The following SORCS1 variants were observed in gnomAD, a reference collection of about 807,000 sequenced individuals.
SORCS1 encodes the protein sortilin related VPS10 domain containing receptor 1, also known as VPS10 domain-containing receptor SorCS1.
Under a neutral mutation model 146.1 loss-of-function variants are expected in SORCS1, and 60 were observed. That is an observed-to-expected ratio of 0.41 (90% CI 0.33 to 0.51). The LOEUF is 0.51. SORCS1 is among the 20% of genes least tolerant of loss of function. SORCS1 has a pLI of 0.21. For missense variants in SORCS1, 1,352 were observed against 1,487.6 expected, an observed-to-expected ratio of 0.91 and a Z score of 1.50; for synonymous variants, 637 against 584.0, an observed-to-expected ratio of 1.09 and a Z score of -1.31.
At chr10:107,085,834 T>C (rs1219389079) in intron 1 of SORCS1, among the ~76,000 whole-genome samples, 1 of 152,230 alleles carries the variant, frequency 6.6e-6, no homozygotes, top group Non-Finnish European at 1.5e-5. Context: ...CATTTTGTAT[T>C]ACGCCGAGGC....
At chr10:107,161,938 A>G (rs566627711) in intron 1 of SORCS1, among the ~76,000 whole-genome samples, 3 of 152,282 alleles carry the variant, frequency 2.0e-5, no homozygotes, top group Non-Finnish European at 4.4e-5. Context: ...GGGGGCAGAA[A>G]TCTCACCTCA....
At chr10:107,023,435 A>C (rs182972546) in intron 1 of SORCS1, among the ~76,000 whole-genome samples, 1 of 152,306 alleles carries the variant, frequency 6.6e-6, no homozygotes, top group African/African-American at 2.4e-5. Flanking sequence ...ATTTTAGTCA[A>C]TATATACCCT....
chr10:107,169,051 T>G (rs552516441), upstream of SORCS1, among the ~76,000 whole-genome samples: 5 of 152,310 alleles, frequency 3.3e-5, no homozygotes, highest in East Asian at 9.7e-4. Flanking sequence ...GAGAATGTTA[T>G]AACCACTCCC....
rs1226168624 is a variant in SORCS1, at chr10:106,960,129, G to C, written c.559-3549C>G. Among the ~76,000 whole-genome samples the C allele has an allele frequency of 6.6e-6, 1 of 152,094 alleles. No individual in the cohort carries two copies. Among genetic ancestry groups the C allele is most frequent in the African/African-American group, 2.4e-5 (1 of 41,412 alleles). The stretch of plus-strand genomic sequence containing the variant: ...TCACAATATGGTACTAGCTTTTTAA[G>C]GTTCCTCTCTAAATCTTAGGATATT... On this transcript the variant is annotated intron_variant, in intron 1 of 25. Coordinates refer to ENST00000263054, the MANE Select transcript of SORCS1 (RefSeq NM_052918.5). This position sits in a 1 kb window ranked among gnomAD's most constrained non-coding sequence, Gnocchi z 4.4.
intron 1 of SORCS1, among the ~76,000 whole-genome samples, chr10:107,017,992 G>C (rs1177280389): frequency 6.6e-6 from 1 of 152,128 alleles, no homozygotes; most frequent in Middle Eastern, 3.4e-3. Context: ...ACCTTCCTCT[G>C]AAGCAGCTCA....
chr10:107,107,542 A>C (rs577436317), intron 1 of SORCS1, among the ~76,000 whole-genome samples: 2 of 152,328 alleles, frequency 1.3e-5, no homozygotes, highest in Admixed American at 6.5e-5. Flanking sequence ...GCTTATAGTT[A>C]AGTGTGAAAG....
chr10:106,651,737 A>G (rs1197444551), intron 18 of SORCS1, among the ~76,000 whole-genome samples: 2 of 152,222 alleles, frequency 1.3e-5, no homozygotes, highest in African/African-American at 4.8e-5. Flanking sequence ...CATCTTCCCC[A>G]TTTACAAGAT....
At chr10:106,836,971 C>T (rs17121679) in intron 2 of SORCS1, among the ~76,000 whole-genome samples, 4,863 of 152,260 alleles carry the variant, frequency 0.032, 88 homozygotes, top group East Asian at 0.053. Flanking sequence ...CTCACTGTTA[C>T]CCACTGCAGT....
At chr10:106,895,937 A>C (rs11193093) in intron 2 of SORCS1, among the ~76,000 whole-genome samples, 51,012 of 144,994 alleles carry the variant, frequency 0.35, 9,152 homozygotes, top group Non-Finnish European at 0.41. Context: ...AAACATATAT[A>C]TATGTGTGTG....
intron 8 of SORCS1, among the ~76,000 whole-genome samples, chr10:106,701,976 C>T (rs1259450456): frequency 5.9e-5 from 9 of 152,206 alleles, no homozygotes; most frequent in Non-Finnish European, 1.3e-4. Context: ...AATCTAGGTT[C>T]ATGTGACCTT....
rs1272683442 is a variant in SORCS1 at position 106,682,755 on chromosome 10, T to C, written c.1561-3021A>G. Among the ~76,000 whole-genome samples, 4 of 152,310 alleles carry C rather than the reference T, an allele frequency of 2.6e-5. No homozygotes were observed. The East Asian group carries it at 7.7e-4, about 29-fold the overall frequency. Reference sequence around the variant, plus strand: ...ATATGTGCTGAGTACCTACATATGCTAATAGTCACAATAGTTATCTCCAAG... The same window carrying C: ...ATATGTGCTGAGTACCTACATATGCCAATAGTCACAATAGTTATCTCCAAG... On this transcript the variant is annotated intron_variant, in intron 10 of 25. Coordinates refer to ENST00000263054, the MANE Select transcript of SORCS1 (RefSeq NM_052918.5).
chr10:106,872,111 A>G (rs1950430698), intron 2 of SORCS1, among the ~76,000 whole-genome samples: 1 of 152,382 alleles, frequency 6.6e-6, no homozygotes, highest in Middle Eastern at 3.4e-3. Context: ...AGTAATTTTT[A>G]AAGGGATGGT....
intron 2 of SORCS1, among the ~76,000 whole-genome samples, chr10:106,926,242 T>C (rs1046601808): frequency 6.6e-6 from 1 of 152,158 alleles, no homozygotes; most frequent in Non-Finnish European, 1.5e-5. Flanking sequence ...GTTTTTAAGA[T>C]AAAAATAAAG....
intron 1 of SORCS1, among the ~76,000 whole-genome samples, chr10:107,034,016 C>T (rs1001797817): frequency 6.6e-6 from 1 of 152,132 alleles, no homozygotes; most frequent in East Asian, 1.9e-4. Context: ...TCCCCTAGTT[C>T]GTTGGTAGTG....
intron 1 of SORCS1, among the ~76,000 whole-genome samples, chr10:107,151,284 T>C (rs1392725511): frequency 6.6e-6 from 1 of 152,112 alleles, no homozygotes; most frequent in Non-Finnish European, 1.5e-5. Flanking sequence ...ACATGGACAA[T>C]GAAGCCCAGT....
At chr10:106,980,877 G>C (rs892417950) in intron 1 of SORCS1, among the ~76,000 whole-genome samples, 7 of 152,258 alleles carry the variant, frequency 4.6e-5, no homozygotes, top group Non-Finnish European at 8.8e-5. Flanking sequence ...ACTGTTAACA[G>C]GTCATCAATT....
chr10:106,688,130 G>C (rs1853003498), intron 10 of SORCS1, 62 bp downstream of exon 10: 2 of 1,569,912 alleles, frequency 1.3e-6, no homozygotes, highest in Non-Finnish European at 1.7e-6. Flanking sequence ...CTCACCCTCT[G>C]TTAAATATCC....
intron 1 of SORCS1, among the ~76,000 whole-genome samples, chr10:106,956,953 C>T (rs977096710): frequency 3.3e-5 from 5 of 152,164 alleles, no homozygotes; most frequent in African/African-American, 1.2e-4. Context: ...GATTAGTTTC[C>T]AGCCCTAGTA....
chr10:107,079,225 C>CAA (rs796448763), intron 1 of SORCS1, among the ~76,000 whole-genome samples: 57 of 104,822 alleles, frequency 5.4e-4, no homozygotes, highest in African/African-American at 7.5e-4. Flanking sequence ...GACTCTGTCT[C>CAA]AAAAAAAAAA....
Sources: gnomAD v4.1 joint callset for allele counts (sites outside exome capture counted in the v4.1 genomes callset) on GRCh38, gnomAD v4.1.1 for gene constraint, Gnocchi (gnomAD v3.1) non-coding constraint, MANE v1.5 for transcripts, NCBI Gene and HGNC (gene_info 2026-07-23, HGNC 2026-07-21) for gene names.